The following FAM81A variants were observed in gnomAD, a reference collection of about 807,000 sequenced individuals.
FAM81A encodes the protein family with sequence similarity 81 member A, also known as protein FAM81A.
A neutral mutation model predicts 46.7 loss-of-function variants in FAM81A; 19 were observed. That is an observed-to-expected ratio of 0.41 (90% CI 0.28 to 0.60). FAM81A has a LOEUF of 0.60. FAM81A is among the 20% of genes least tolerant of loss of function. FAM81A has a pLI of 0.34. For missense variants in FAM81A, 377 were observed against 453.5 expected (o/e 0.83, Z 1.53); for synonymous variants, 183 against 152.9 (o/e 1.20, Z -1.45).
At chr15:59,440,311 C>G (rs943775771) in intron 1 of FAM81A, among the ~76,000 whole-genome samples, 1 of 152,024 alleles carries the variant, frequency 6.6e-6, no homozygotes, top group Non-Finnish European at 1.5e-5. Context: ...AAAATCCCTA[C>G]TTTAAAAACA....
intron 2 of FAM81A, among the ~76,000 whole-genome samples, chr15:59,417,313 C>T (rs533183689): frequency 1.3e-5 from 2 of 151,944 alleles, no homozygotes; most frequent in Non-Finnish European, 2.9e-5. Context: ...ATATTTACTT[C>T]GTTTTCTTAA....
At chr15:59,489,306 CATACATAT>C (rs1195856155) in intron 3 of FAM81A, among the ~76,000 whole-genome samples, 48 of 144,980 alleles carry the variant, frequency 3.3e-4, no homozygotes, top group African/African-American at 6.5e-4. Context: ...TACATACATA[CATACATAT>C]ATACATACAT....
At chr15:59,430,359 G>A (rs1596467245) in intron 2 of FAM81A, among the ~76,000 whole-genome samples, 1 of 150,368 alleles carries the variant, frequency 6.7e-6, no homozygotes. Flanking sequence ...CCGCCTCCCG[G>A]GTTCAAGCAA....
intron 5 of FAM81A, 33 bp downstream of exon 5, chr15:59,507,375 G>T: frequency 3.1e-6 from 5 of 1,603,058 alleles, no homozygotes; most frequent in Non-Finnish European, 4.3e-6. Flanking sequence ...TTTAGAAGCG[G>T]GTAATTTGTT....
At chr15:59,487,411 T>C (rs968990870) in intron 3 of FAM81A, among the ~76,000 whole-genome samples, 1 of 150,546 alleles carries the variant, frequency 6.6e-6, no homozygotes, top group Non-Finnish European at 1.5e-5. Flanking sequence ...AAGGAAATAA[T>C]GAAGATCAGA....
At position 59,459,995 on chromosome 15, in the gene FAM81A, G is replaced by A. The variant is rs757456937; in HGVS notation, c.83G>A (p.Ser28Asn). The A allele has an allele frequency of 3.7e-6, 6 of 1,613,024 alleles. No individual in the cohort carries two copies. Among genetic ancestry groups the A allele is most frequent in the East Asian group, 4.5e-5 (2 of 44,876 alleles). Residue 28 changes from serine to asparagine, a missense_variant, in exon 3 of 9, where the codon AGC becomes AAC. By Grantham distance (46) the Ser-to-Asn change is conservative. Transcript: ENST00000288228. ...ACCATGGCACCATACTCATCTGTAAGCCTCGTGGAGCAGCTGGAAGACAGG... is the reference window on the plus strand; with the variant it reads ...ACCATGGCACCATACTCATCTGTAAACCTCGTGGAGCAGCTGGAAGACAGG... ...SLTMAPYSSV[S>N]LVEQLEDRIL...
chr15:59,435,417 C>T (rs748262835), upstream of FAM81A, among the ~76,000 whole-genome samples: 10 of 151,708 alleles, frequency 6.6e-5, no homozygotes, highest in African/African-American at 2.4e-5. Flanking sequence ...GTCAGGAGTT[C>T]GAGACCAGCC....
chr15:59,483,711 T>C (rs1266010926), intron 3 of FAM81A, among the ~76,000 whole-genome samples: 4 of 152,096 alleles, frequency 2.6e-5, no homozygotes, highest in African/African-American at 9.7e-5. Flanking sequence ...CAAGAGAAGA[T>C]GGTGGTTTAG....
intron 2 of FAM81A, among the ~76,000 whole-genome samples, chr15:59,420,536 A>G (rs1233421159): frequency 2.0e-5 from 3 of 152,262 alleles, no homozygotes; most frequent in Admixed American, 6.5e-5. Flanking sequence ...ATGTTGTTGC[A>G]TACCAAATGT....
At chr15:59,424,387 T>G (rs1486976410) in intron 2 of FAM81A, among the ~76,000 whole-genome samples, 1 of 152,196 alleles carries the variant, frequency 6.6e-6, no homozygotes, top group Non-Finnish European at 1.5e-5. Flanking sequence ...CATTTCCCCA[T>G]GTGCACATCT....
chr15:59,433,086 G>A (rs1247152735), intron 2 of FAM81A, among the ~76,000 whole-genome samples: 2 of 137,788 alleles, frequency 1.5e-5, no homozygotes, highest in African/African-American at 5.5e-5. Flanking sequence ...AATTTGCAGT[G>A]AGCCAAGATC....
In FAM81A at chr15:59,521,319, G is replaced by A. The variant is rs750256067; in HGVS notation, c.1048G>A (p.Asp350Asn). The stretch of plus-strand genomic sequence containing the variant: ...AGTTCTCGAGGCCAAGATGAAGCTG[G>A]ACAGGGACCAGCTACAGAAGCAAAT... ...RQVLEAKMKLDRDQLQKQIQL... is the reference protein window; with the variant it reads ...RQVLEAKMKLNRDQLQKQIQL... Residue 350 changes from aspartate (D) to asparagine (N), a missense_variant, in exon 9 of 9, where the codon GAC becomes AAC. Asp to Asn is a conservative substitution (Grantham distance 23, BLOSUM62 1). Coordinates refer to ENST00000288228, the MANE Select transcript of FAM81A (RefSeq NM_152450.3). 6.2e-7 allele frequency: 1 copy of A among 1,613,846 alleles called. No homozygotes were observed. Among genetic ancestry groups the A allele is most frequent in the Non-Finnish European group, 8.5e-7 (1 of 1,179,830 alleles).
chr15:59,492,104 C>T (rs2081987588), intron 3 of FAM81A, among the ~76,000 whole-genome samples, 167 bp from the exon 4 acceptor site: 1 of 152,204 alleles, frequency 6.6e-6, no homozygotes. Flanking sequence ...CTCTCTCTGT[C>T]TAGGCCCCCT....
Position 59,419,746 on chromosome 15 carries a change from C to T in FAM81A, c.-78+17388C>T, listed in dbSNP as rs1036662082. On this transcript the variant is annotated intron_variant, in intron 2 of 4. Transcript: ENST00000558348. The stretch of plus-strand genomic sequence containing the variant: ...AAAATTGGCCGGGCGTGCTGGCGGA[C>T]GCCTGTAATCTCAACTACTTGGGAG... 3.9e-5 allele frequency among the ~76,000 whole-genome samples: 6 copies of T among 152,128 alleles called. No homozygotes were observed. The South Asian group carries it at 8.3e-4, about 21-fold the overall frequency.
At chr15:59,426,894 T>C (rs1459678801) in intron 2 of FAM81A, among the ~76,000 whole-genome samples, 2 of 152,234 alleles carry the variant, frequency 1.3e-5, no homozygotes, top group Non-Finnish European at 2.9e-5. Flanking sequence ...CAAGTATGAT[T>C]GAACACATTT....
chr15:59,485,167 C>G (rs2081902355), intron 3 of FAM81A, among the ~76,000 whole-genome samples: 1 of 152,162 alleles, frequency 6.6e-6, no homozygotes, highest in Non-Finnish European at 1.5e-5. Flanking sequence ...CTCTCTGGAC[C>G]TGCGTGGAGC....
intron 3 of FAM81A, among the ~76,000 whole-genome samples, chr15:59,471,005 A>G (rs1371907678): frequency 2.0e-5 from 3 of 152,116 alleles, no homozygotes; most frequent in African/African-American, 7.2e-5. Flanking sequence ...TGTAGAGACA[A>G]GGTTTTGCCA....
At chr15:59,465,348 C>T (rs192491572) in intron 3 of FAM81A, among the ~76,000 whole-genome samples, 224 of 152,320 alleles carry the variant, frequency 1.5e-3, no homozygotes, top group African/African-American at 4.7e-3. Flanking sequence ...TATTGGCTCA[C>T]GGCAACCTCA....
At position 59,460,495 on chromosome 15, in the gene FAM81A, G is replaced by T. The variant is rs1415595912; in HGVS notation, c.294+289G>T. On this transcript the variant is annotated intron_variant, in intron 3 of 8. Transcript: ENST00000288228. The surrounding 1 kb of genome is among the most constrained non-coding windows in gnomAD (Gnocchi z 4.4). ...TTTGGCTCTTAATGAAGAGAGAGAA[G>T]AACTAGTCGAATAGTTTCACTCTAT... 2 of 470,148 alleles carry T rather than the reference G, an allele frequency of 4.3e-6. No individual in the cohort carries two copies. The highest frequency in any genetic ancestry group is 2.0e-5 in the African/African-American group (1 of 50,886). The allele number at this position is 470,148 out of a possible 1,614,324, so 29.1% of individuals were successfully genotyped here.
Sources: gnomAD v4.1 joint callset for allele counts (sites outside exome capture counted in the v4.1 genomes callset) on GRCh38, gnomAD v4.1.1 for gene constraint, Gnocchi (gnomAD v3.1) non-coding constraint, MANE v1.5 for transcripts, NCBI Gene and HGNC (gene_info 2026-07-23, HGNC 2026-07-21) for gene names.